Variants in RBFOX3 observed in about 807,000 individuals in gnomAD.
RBFOX3 encodes RNA binding protein fox-1 homolog 3.
RBFOX3 carries 17 observed loss-of-function variants against 48.7 expected under a neutral mutation model. The observed-to-expected ratio is 0.35, with a 90% confidence interval of 0.24 to 0.52. The LOEUF (loss-of-function observed/expected upper bound fraction) is 0.52. Ranked by LOEUF, RBFOX3 falls within the 20% of genes least tolerant of loss-of-function variation. The probability of loss-of-function intolerance (pLI) is 0.94; values close to 1 mark genes in which losing one functional copy is unlikely to be tolerated. For synonymous variants in RBFOX3, 212 were observed against 209.5 expected, an observed-to-expected ratio of 1.01 and a Z score of -0.10; for missense variants, 382 against 497.5, an observed-to-expected ratio of 0.77 and a Z score of 2.21.
chr17:79,109,134 C>T (rs2078008808), intron 5 of RBFOX3, among the ~76,000 whole-genome samples: 1 of 152,172 alleles, frequency 6.6e-6, no homozygotes, highest in Non-Finnish European at 1.5e-5. Context: ...CCGGGTGGAT[C>T]CTGCATCTCC....
chr17:79,201,777 C>A (rs1045714567), intron 4 of RBFOX3, among the ~76,000 whole-genome samples: 1 of 152,204 alleles, frequency 6.6e-6, no homozygotes, highest in Non-Finnish European at 1.5e-5. Context: ...TGTCTTCACC[C>A]CTTCCCACGT....
rs200268368 is a variant in RBFOX3, at chr17:79,214,917, TA to T, written c.-34+20848del. Among the ~76,000 whole-genome samples the T allele has an allele frequency of 4.7e-4, 72 of 152,306 alleles. 1 individual carries two copies. In the East Asian group the frequency reaches 0.013, roughly 27 times the overall value. ...TCTTTATTTCTCTGGCAATTACCGCTAATTTGGAGACGTTCTGCCTTGGCAT... is the reference window on the plus strand; with the variant it reads ...TCTTTATTTCTCTGGCAATTACCGCTATTTGGAGACGTTCTGCCTTGGCAT... On this transcript the variant is annotated intron_variant, in intron 4 of 14. Coordinates refer to ENST00000693108, the MANE Select transcript of RBFOX3 (RefSeq NM_001350451.2). The surrounding 1 kb of genome is among the most constrained non-coding windows in gnomAD (Gnocchi z 4.7).
At chr17:79,238,576 A>G (rs533514451) in intron 3 of RBFOX3, among the ~76,000 whole-genome samples, 1 of 152,334 alleles carries the variant, frequency 6.6e-6, no homozygotes, top group East Asian at 1.9e-4. Flanking sequence ...CGGCTCTGGA[A>G]TTCCCAGTCT....
chr17:79,155,555 G>T (rs2045584289), intron 4 of RBFOX3, among the ~76,000 whole-genome samples: 1 of 152,244 alleles, frequency 6.6e-6, no homozygotes, highest in South Asian at 2.1e-4. Flanking sequence ...ATGCTGTACG[G>T]CAGAGGTGGT....
chr17:79,151,896 G>A (rs113347271), intron 4 of RBFOX3, among the ~76,000 whole-genome samples: 39,185 of 78,174 alleles, frequency 0.5, 12,448 homozygotes, highest in Non-Finnish European at 0.58. Context: ...GAGGGGACCT[G>A]CAGGGGGAGG....
At position 79,252,924 on chromosome 17, in the gene RBFOX3, C is replaced by T. The variant is rs756545693; in HGVS notation, c.-73-17119G>A. Among the ~76,000 whole-genome samples, 3 of 152,160 alleles carry T rather than the reference C, an allele frequency of 2.0e-5. No individual in the cohort carries two copies. Among genetic ancestry groups the T allele is most frequent in the Non-Finnish European group, 2.9e-5 (2 of 68,028 alleles). ...CCCCTCTATCCCGCCCGGCAAGCCC[C>T]AGCCCCCTAAACCCGCAGCCTTCTT... is the stretch of plus-strand genomic sequence containing the variant. On this transcript the variant is annotated intron_variant, in intron 3 of 14. Transcript: ENST00000693108. The surrounding 1 kb of genome is among the most constrained non-coding windows in gnomAD (Gnocchi z 4.0).
At chr17:79,318,550 T>G (rs1382768842) in intron 2 of RBFOX3, among the ~76,000 whole-genome samples, 2 of 152,100 alleles carry the variant, frequency 1.3e-5, no homozygotes, top group African/African-American at 4.8e-5. Flanking sequence ...TACTAAGAGT[T>G]GGATGTTGAA....
chr17:79,400,573 A>G (rs2062663717), intron 2 of RBFOX3, among the ~76,000 whole-genome samples: 1 of 152,132 alleles, frequency 6.6e-6, no homozygotes, highest in African/African-American at 2.4e-5. Flanking sequence ...GTTCACCCAT[A>G]ACACCCACCT....
chr17:79,608,614 G>A (rs1335284186), intron 1 of RBFOX3, among the ~76,000 whole-genome samples: 2 of 152,216 alleles, frequency 1.3e-5, no homozygotes, highest in Non-Finnish European at 2.9e-5. Context: ...AGGCTGTCTC[G>A]GCTTGGGTGC....
intron 1 of RBFOX3, among the ~76,000 whole-genome samples, chr17:79,582,116 CTGTGCGTGCCTGTGTATGCATGCA>C (rs1476853135): frequency 1.3e-5 from 2 of 150,432 alleles, no homozygotes; most frequent in African/African-American, 4.9e-5. Context: ...GTGTATGTGC[CTGTGCGTGCCTGTGTATGCATGCA>C]TGTGCCTGCC....
chr17:79,660,495 G>A, the RBFOX3 span, among the ~76,000 whole-genome samples: 1 of 151,936 alleles, frequency 6.6e-6, no homozygotes, highest in South Asian at 2.1e-4. Flanking sequence ...GATATGAACA[G>A]ACACATCTCA....
chr17:79,255,476 CAGGAACAAGGCTGTGCTT>C lies in RBFOX3; in HGVS notation c.-73-19689_-73-19672del, dbSNP rs940655149. On this transcript the variant is annotated intron_variant, in intron 3 of 14. Coordinates refer to ENST00000693108, the MANE Select transcript of RBFOX3 (RefSeq NM_001350451.2). The stretch of plus-strand genomic sequence containing the variant: ...AGAGCCCTGGCCCCCCATCTGTGCT[CAGGAACAAGGCTGTGCTT>C]AGGAACAAGGCTGTGTCCACCCTTG... Among the ~76,000 whole-genome samples the C allele has an allele frequency of 8.5e-5, 13 of 152,272 alleles. No individual in the cohort carries two copies. In the East Asian group the frequency reaches 1.2e-3, roughly 14 times the overall value.
At chr17:79,498,914 A>G (rs2149705612) in intron 1 of RBFOX3, among the ~76,000 whole-genome samples, 1 of 147,730 alleles carries the variant, frequency 6.8e-6, no homozygotes, top group South Asian at 2.2e-4. Flanking sequence ...CCATATGGCT[A>G]CCCATCCATC....
At chr17:79,519,154 C>T (rs1246263395) in intron 1 of RBFOX3, among the ~76,000 whole-genome samples, 1 of 152,236 alleles carries the variant, frequency 6.6e-6, no homozygotes, top group African/African-American at 2.4e-5. Flanking sequence ...GCATAAAAAT[C>T]GGAAGAAACA....
At chr17:79,280,993 A>G (rs2070331569) in intron 3 of RBFOX3, among the ~76,000 whole-genome samples, 1 of 152,134 alleles carries the variant, frequency 6.6e-6, no homozygotes, top group Admixed American at 6.5e-5. Context: ...AGGACAGGGG[A>G]TACTGAAAGA....
the RBFOX3 span, among the ~76,000 whole-genome samples, chr17:79,632,731 A>G: frequency 5.8e-3 from 766 of 132,948 alleles, 9 homozygotes; most frequent in African/African-American, 0.021. Flanking sequence ...TAGCAAGACC[A>G]CGTATCTACT....
chr17:79,233,556 C>A (rs965509507), intron 4 of RBFOX3: 1 of 151,888 alleles, frequency 6.6e-6, no homozygotes, highest in African/African-American at 2.4e-5. Context: ...GTGCAAAAAT[C>A]CAAGTTTACG....
the RBFOX3 span, among the ~76,000 whole-genome samples, chr17:79,616,130 C>T: frequency 1.4e-4 from 22 of 152,286 alleles, no homozygotes; most frequent in Non-Finnish European, 2.8e-4. Context: ...TGGCCAGCAC[C>T]GACGGCCCGT....
chr17:79,615,364 G>T (rs929429883), upstream of RBFOX3, among the ~76,000 whole-genome samples: 8 of 152,096 alleles, frequency 5.3e-5, no homozygotes, highest in East Asian at 5.8e-4. Flanking sequence ...ATGAAAGAGG[G>T]CAATGAGGGA....
Sources: allele counts gnomAD v4.1 joint callset (sites outside exome capture counted in the v4.1 genomes callset), GRCh38; gene constraint gnomAD v4.1.1; non-coding constraint Gnocchi (gnomAD v3.1); transcripts MANE v1.5; gene names NCBI Gene and HGNC (gene_info 2026-07-23, HGNC 2026-07-21).